Variants in VDAC1 observed in about 807,000 individuals in gnomAD.
VDAC1 encodes non-selective voltage-gated ion channel VDAC1.
A neutral mutation model predicts 34.7 loss-of-function variants in VDAC1; 10 were observed. That is an observed-to-expected ratio of 0.29 (90% confidence interval 0.18 to 0.49). VDAC1 has a LOEUF of 0.49. Among genes scored for constraint, VDAC1 ranks in the 20% least tolerant of loss-of-function variants. VDAC1 has a pLI of 0.99. For missense variants in VDAC1, 230 were observed against 347.9 expected, an observed-to-expected ratio of 0.66 and a Z score of 2.69; for synonymous variants, 130 against 136.0, an observed-to-expected ratio of 0.96 and a Z score of 0.30.
chr5:134,109,647 G>A, the VDAC1 span, among the ~76,000 whole-genome samples: 3 of 152,084 alleles, frequency 2.0e-5, no homozygotes, highest in Non-Finnish European at 4.4e-5. Flanking sequence ...GCAGGTGCCT[G>A]TAATCCCAGC....
chr5:134,085,403 T>C, the VDAC1 span, among the ~76,000 whole-genome samples: 1 of 151,884 alleles, frequency 6.6e-6, no homozygotes, highest in Non-Finnish European at 1.5e-5. Flanking sequence ...GGGAAGCCAC[T>C]GATTTCAGTA....
At chr5:134,008,559 T>G (rs1303444790), upstream of VDAC1, among the ~76,000 whole-genome samples, 4 of 152,228 alleles carry the variant, frequency 2.6e-5, no homozygotes, top group Non-Finnish European at 5.9e-5. Context: ...TAGATATTTA[T>G]CAAAGTGGAA....
At chr5:133,973,266 T>G (rs1752364714) in intron 8 of VDAC1, among the ~76,000 whole-genome samples, 1 of 152,236 alleles carries the variant, frequency 6.6e-6, no homozygotes, top group African/African-American at 2.4e-5. Context: ...ATGTGTAGTG[T>G]GCATGTACAT....
the VDAC1 span, among the ~76,000 whole-genome samples, chr5:134,024,916 C>A: frequency 6.6e-6 from 1 of 152,226 alleles, no homozygotes; most frequent in Non-Finnish European, 1.5e-5. Flanking sequence ...CTACCATACA[C>A]GTGAGTGAAG....
At chr5:134,078,647 C>CT in the VDAC1 span, among the ~76,000 whole-genome samples, 51,682 of 117,520 alleles carry the variant, frequency 0.44, 12,695 homozygotes, top group Middle Eastern at 0.52. Flanking sequence ...CCTCAAGCAT[C>CT]TTTTTTTTTT....
the VDAC1 span, among the ~76,000 whole-genome samples, chr5:134,061,837 T>A: frequency 6.6e-6 from 1 of 151,906 alleles, no homozygotes; most frequent in African/African-American, 2.4e-5. Flanking sequence ...TAGATTTTCC[T>A]CATGTCAGAT....
the VDAC1 span, among the ~76,000 whole-genome samples, chr5:134,092,085 A>G: frequency 2.6e-5 from 4 of 152,182 alleles, no homozygotes; most frequent in African/African-American, 9.7e-5. Flanking sequence ...TGTTATCAAA[A>G]CCAGATGAGG....
the VDAC1 span, among the ~76,000 whole-genome samples, chr5:134,058,348 C>A: frequency 5.3e-4 from 80 of 151,906 alleles, no homozygotes; most frequent in Non-Finnish European, 5.2e-4. Flanking sequence ...GAGTCTCACT[C>A]TGTCGCCCAG....
the VDAC1 span, among the ~76,000 whole-genome samples, chr5:134,031,350 T>C: frequency 2.0e-5 from 3 of 152,134 alleles, no homozygotes; most frequent in Non-Finnish European, 4.4e-5. Context: ...CCCAAAGATA[T>C]ACAGGTCCTA....
the VDAC1 span, among the ~76,000 whole-genome samples, chr5:134,088,800 G>T: frequency 6.6e-6 from 1 of 152,062 alleles, no homozygotes; most frequent in African/African-American, 2.4e-5. Flanking sequence ...CCAACTTAGG[G>T]TAATTGCTTG....
At chr5:134,032,030 C>T in the VDAC1 span, among the ~76,000 whole-genome samples, 7 of 142,068 alleles carry the variant, frequency 4.9e-5, no homozygotes, top group East Asian at 4.1e-4. Flanking sequence ...TTGGGAGGCA[C>T]GAGAATTGCC....
the VDAC1 span, among the ~76,000 whole-genome samples, chr5:134,055,109 G>GT: frequency 1.3e-5 from 2 of 152,252 alleles, no homozygotes; most frequent in African/African-American, 4.8e-5. Flanking sequence ...GCTGCATGGG[G>GT]TGGGGATGCT....
chr5:133,981,070 T>A, intron 5 of VDAC1, 114 bp from the exon 6 acceptor site: 1 of 852,686 alleles, frequency 1.2e-6, no homozygotes, highest in Non-Finnish European at 1.8e-6. Context: ...GGGGGTGAAG[T>A]CAGGGCTCCA....
chr5:134,099,416 G>A, the VDAC1 span, among the ~76,000 whole-genome samples: 2 of 152,110 alleles, frequency 1.3e-5, no homozygotes, highest in Admixed American at 1.3e-4. Context: ...CCTCTCACCC[G>A]CTTCCTTTCC....
chr5:134,023,578 C>G, the VDAC1 span, among the ~76,000 whole-genome samples: 1 of 151,654 alleles, frequency 6.6e-6, no homozygotes, highest in African/African-American at 2.4e-5. Context: ...TTGGAAGAAA[C>G]GTTCTTCGGA....
At chr5:134,085,066 T>C in the VDAC1 span, among the ~76,000 whole-genome samples, 1 of 126,904 alleles carries the variant, frequency 7.9e-6, no homozygotes, top group Non-Finnish European at 1.8e-5. Flanking sequence ...ATGATCTCTT[T>C]TTTTCTTTTC....
the VDAC1 span, among the ~76,000 whole-genome samples, chr5:134,054,194 A>T: frequency 1.3e-5 from 2 of 152,156 alleles, no homozygotes; most frequent in Non-Finnish European, 2.9e-5. Context: ...TTTGAATGAA[A>T]CTGCCCTGAA....
the VDAC1 span, among the ~76,000 whole-genome samples, chr5:134,099,050 G>GA: frequency 2.6e-5 from 4 of 152,218 alleles, no homozygotes; most frequent in Non-Finnish European, 1.5e-5. Flanking sequence ...TTCTGACACA[G>GA]AGGAGAAACG....
At chr5:134,037,916 T>C in the VDAC1 span, among the ~76,000 whole-genome samples, 1 of 152,230 alleles carries the variant, frequency 6.6e-6, no homozygotes, top group Non-Finnish European at 1.5e-5. Flanking sequence ...ATATATGATA[T>C]TGACATTAAG....
Sources: allele counts gnomAD v4.1 joint callset (sites outside exome capture counted in the v4.1 genomes callset), GRCh38; gene constraint gnomAD v4.1.1; transcripts MANE v1.5; gene names NCBI Gene and HGNC (gene_info 2026-07-23, HGNC 2026-07-21).